DNAJC11: variants seen among roughly 807,000 people sequenced by gnomAD.
The protein encoded by DNAJC11 is DnaJ heat shock protein family (Hsp40) member C11.
Under a neutral mutation model 78.6 loss-of-function variants are expected in DNAJC11, and 15 were observed. The observed-to-expected ratio is 0.19, with a 90% CI of 0.13 to 0.29. DNAJC11 has a LOEUF of 0.29. Ranked by LOEUF, DNAJC11 falls within the 10% of genes least tolerant of loss-of-function variation. The pLI is 1.00. For synonymous variants in DNAJC11, 292 were observed against 272.1 expected (o/e 1.07, Z -0.72); for missense variants, 547 against 709.6 (o/e 0.77, Z 2.60).
At chr1:6,636,074 C>A in intron 15 of DNAJC11, 43 bp downstream of exon 15, 1 of 1,588,482 alleles carries the variant, frequency 6.3e-7, no homozygotes, top group East Asian at 2.2e-5. Flanking sequence ...CTTCGAGGTC[C>A]CCGCCCCCGT....
intron 1 of DNAJC11, among the ~76,000 whole-genome samples, chr1:6,693,470 A>G (rs1468598844): frequency 1.3e-5 from 2 of 151,678 alleles, no homozygotes; most frequent in East Asian, 3.9e-4. Context: ...TGCAAACTCC[A>G]TCTCCCGGGT....
chr1:6,640,159 G>A lies in DNAJC11; in HGVS notation c.1098-102C>T, dbSNP rs376675442. ...GGCACAGGAAGAGAACTTGTGCTGC[G>A]TGCAGCTGCGAGTTAAAGGAGCCTG... On this transcript the variant is annotated intron_variant, in intron 10 of 15. Transcript: ENST00000377577. The A allele has an allele frequency of 5.5e-5, 76 of 1,373,930 alleles. No individual in the cohort carries two copies. The African/African-American group carries it at 6.6e-4, about 12-fold the overall frequency. The allele number at this position is 1,373,930 out of a possible 1,614,324, so 85.1% of individuals were successfully genotyped here.
chr1:6,635,550 G>T lies in DNAJC11; in HGVS notation c.*125C>A. On this transcript the variant is annotated 3_prime_UTR_variant, in exon 16 of 16. Coordinates refer to ENST00000377577, the MANE Select transcript of DNAJC11 (RefSeq NM_018198.4). ...ATGTCCCTTCACATAATTGATAATG[G>T]TACCACCTTCTATAATAATAATATA... 1 of 1,072,198 alleles carries T rather than the reference G, an allele frequency of 9.3e-7. No individual in the cohort carries two copies. Among genetic ancestry groups the T allele is most frequent in the Non-Finnish European group, 1.4e-6 (1 of 737,280 alleles). The allele number at this position is 1,072,198 out of a possible 1,614,324, so 66.4% of individuals were successfully genotyped here. A position where few individuals can be genotyped will look rare whatever the true frequency, so the allele number is the denominator to read the frequency against.
At chr1:6,678,803 C>T (rs770111306) in intron 2 of DNAJC11, among the ~76,000 whole-genome samples, 11 of 152,144 alleles carry the variant, frequency 7.2e-5, no homozygotes. Context: ...CAGGTGTGTG[C>T]CACCATGCCC....
chr1:6,638,325 C>T lies in DNAJC11; in HGVS notation c.1293G>A (p.Val431=), dbSNP rs759145267. The T allele has an allele frequency of 3.7e-6, 6 of 1,613,642 alleles. No homozygotes were observed. Among genetic ancestry groups the T allele is most frequent in the South Asian group, 3.3e-5 (3 of 91,020 alleles). ...ACTCCGCCTCTTGCTTCTTCTGCAG[C>T]ACATCGGTGGCGGCGCTTTCCCTCT... The part of the protein sequence containing the change: ...EKQRESAATD[V]LQKKQEAESA... The change falls in exon 12 of 16, where the codon GTG becomes GTA. Residue 431 remains valine (V), a synonymous_variant. Transcript: ENST00000377577.
chr1:6,641,808 C>T (rs977185116), intron 10 of DNAJC11, among the ~76,000 whole-genome samples: 2 of 152,148 alleles, frequency 1.3e-5, no homozygotes, highest in Non-Finnish European at 2.9e-5. Context: ...TCAAGTACCA[C>T]GATGGGTTTT....
intron 1 of DNAJC11, among the ~76,000 whole-genome samples, chr1:6,691,129 T>C (rs1175281084): frequency 1.4e-5 from 2 of 143,690 alleles, no homozygotes; most frequent in African/African-American, 2.6e-5. Context: ...ACCTCCAAGA[T>C]GGCAATATAA....
chr1:6,653,024 G>T lies in DNAJC11; in HGVS notation c.508-73C>A. 3 of 1,587,936 alleles carry T rather than the reference G, an allele frequency of 1.9e-6. No individual in the cohort carries two copies. The highest frequency in any genetic ancestry group is 2.6e-6 in the Non-Finnish European group (3 of 1,161,256). The stretch of plus-strand genomic sequence containing the variant: ...TGCCAATGGCAGCAGCCTAAAGAAC[G>T]CACTGTGAGCCCAAGGCCAAAGGTG... On this transcript the variant is annotated intron_variant, in intron 5 of 15. Coordinates refer to ENST00000377577, the MANE Select transcript of DNAJC11 (RefSeq NM_018198.4). The surrounding 1 kb of genome is among the most constrained non-coding windows in gnomAD (Gnocchi z 4.5).
Position 6,666,389 on chromosome 1 carries a change from T to TTC in DNAJC11, c.378+1319_378+1320insGA, listed in dbSNP as rs779199581. On this transcript the variant is annotated intron_variant, in intron 4 of 15. Coordinates refer to ENST00000377577, the MANE Select transcript of DNAJC11 (RefSeq NM_018198.4). ...TTTGTTTTTTTTCTTTCTTTTCTTT[T>TTC]TTTTTTTTTTTTTTTGAGATGGAGT... Among the ~76,000 whole-genome samples the TTC allele has an allele frequency of 1.7e-3, 126 of 72,146 alleles. 1 individual carries two copies. The highest frequency in any genetic ancestry group is 1.9e-3 in the Non-Finnish European group (58 of 30,062). 47.3% of individuals were successfully genotyped at this position (72,146 alleles called of 152,430 possible).
intron 7 of DNAJC11, 31 bp from the exon 8 acceptor site, chr1:6,646,009 G>A (rs927855333): frequency 1.9e-6 from 3 of 1,604,164 alleles, no homozygotes; most frequent in Non-Finnish European, 2.6e-6. Context: ...AATAGGTCCT[G>A]GATAGCACCT....
rs1641744763 is a variant in DNAJC11, at chr1:6,635,482, C to T, written c.*193G>A. Reference sequence around the variant, plus strand: ...TGCAGTCTGGTTCCCAGTGGGGCTGCCTCAGTCCTACCCCCAGCACCCTCA... The same window carrying T: ...TGCAGTCTGGTTCCCAGTGGGGCTGTCTCAGTCCTACCCCCAGCACCCTCA... On this transcript the variant is annotated 3_prime_UTR_variant, in exon 16 of 16. Coordinates refer to ENST00000377577, the MANE Select transcript of DNAJC11 (RefSeq NM_018198.4). The T allele has an allele frequency of 3.3e-6, 2 of 597,630 alleles. No individual in the cohort carries two copies. Among genetic ancestry groups the T allele is most frequent in the Non-Finnish European group, 2.9e-6 (1 of 343,014 alleles). 37.0% of individuals were successfully genotyped at this position (597,630 alleles called of 1,614,324 possible).
intron 4 of DNAJC11, among the ~76,000 whole-genome samples, chr1:6,657,906 A>C (rs1391998691): frequency 6.6e-6 from 1 of 152,216 alleles, no homozygotes; most frequent in Non-Finnish European, 1.5e-5. Context: ...TGGCCTCCCA[A>C]AGTGCTGGGA....
chr1:6,672,001 G>A (rs936833018), intron 3 of DNAJC11, among the ~76,000 whole-genome samples: 1 of 151,930 alleles, frequency 6.6e-6, no homozygotes, highest in Non-Finnish European at 1.5e-5. Context: ...TACCCAGCCA[G>A]TTTTTTTATC....
At chr1:6,671,452 G>A (rs1642378550) in intron 3 of DNAJC11, among the ~76,000 whole-genome samples, 2 of 150,288 alleles carry the variant, frequency 1.3e-5, no homozygotes, top group African/African-American at 4.9e-5. Context: ...TAGCCAGGAT[G>A]GTCTTGATCT....
rs749186675 is a variant in DNAJC11 at position 6,653,954 on chromosome 1, G to A, written c.464C>T (p.Pro155Leu). ...EYEDVSGSSFPQIEINKMHIS... is the reference protein window; with the variant it reads ...EYEDVSGSSFLQIEINKMHIS... Reference sequence around the variant, plus strand: ...GTGCATTTTATTAATTTCAATCTGCGGAAAGCTACTGCCGGACACATCTTC... The same window carrying A: ...GTGCATTTTATTAATTTCAATCTGCAGAAAGCTACTGCCGGACACATCTTC... Residue 155 changes from proline to leucine, a missense_variant, in exon 5 of 16, where the codon CCG (proline) becomes CTG (leucine). By Grantham distance (98) the Pro-to-Leu change is moderately conservative (BLOSUM62 -3). Coordinates refer to ENST00000377577, the MANE Select transcript of DNAJC11 (RefSeq NM_018198.4). This position sits in a 1 kb window ranked among gnomAD's most constrained non-coding sequence, Gnocchi z 4.5. The A allele has an allele frequency of 5.0e-6, 8 of 1,613,218 alleles. No individual in the cohort carries two copies. Among genetic ancestry groups the A allele is most frequent in the Admixed American group, 1.7e-5 (1 of 59,952 alleles).
At position 6,634,255 on chromosome 1, in the gene DNAJC11, C is replaced by T; in HGVS notation, c.*1420G>A. ...GCAGAGGATGGGTGCCCAGAAGCAC[C>T]TGCGGCAGAGGCGCACGGGAAGCCC... On this transcript the variant is annotated 3_prime_UTR_variant, in exon 16 of 16. Transcript: ENST00000377577. 1.1e-6 allele frequency: 1 copy of T among 873,742 alleles called. No homozygotes were observed. Among genetic ancestry groups the T allele is most frequent in the South Asian group, 1.8e-5 (1 of 56,484 alleles). 54.1% of individuals were successfully genotyped at this position (873,742 alleles called of 1,614,324 possible).
At chr1:6,667,597 G>T in intron 4 of DNAJC11, 112 bp downstream of exon 4, 2 of 870,198 alleles carry the variant, frequency 2.3e-6, no homozygotes, top group Non-Finnish European at 3.7e-6. Flanking sequence ...TGTCCCACCA[G>T]CTTGTATGTT....
intron 15 of DNAJC11, 97 bp downstream of exon 15, chr1:6,636,020 G>T: frequency 6.8e-7 from 1 of 1,479,126 alleles, no homozygotes. Context: ...GTGGGCAGCT[G>T]AGGAAGGTGG....
chr1:6,693,419 C>T lies in DNAJC11; in HGVS notation c.72+8310G>A, dbSNP rs368738517. 3.1e-4 allele frequency among the ~76,000 whole-genome samples: 47 copies of T among 152,206 alleles called. 1 individual carries two copies. The highest frequency in any genetic ancestry group is 1.0e-3 in the African/African-American group (42 of 41,524). ...TCGTTTAGATGGATTCTTGCTCTGTCGCTCAGGCTGGAGTGCAGTGGTGGT... is the reference window on the plus strand; with the variant it reads ...TCGTTTAGATGGATTCTTGCTCTGTTGCTCAGGCTGGAGTGCAGTGGTGGT... On this transcript the variant is annotated intron_variant, in intron 1 of 15. Transcript: ENST00000377577.
Sources: gnomAD v4.1 joint callset for allele counts (sites outside exome capture counted in the v4.1 genomes callset) on GRCh38, gnomAD v4.1.1 for gene constraint, Gnocchi (gnomAD v3.1) non-coding constraint, MANE v1.5 for transcripts, NCBI Gene and HGNC (gene_info 2026-07-23, HGNC 2026-07-21) for gene names.